SLC29A4: variants seen among roughly 807,000 people sequenced by gnomAD.
The protein encoded by SLC29A4 is solute carrier family 29 member 4, also known as equilibrative nucleoside transporter 4.
SLC29A4 carries 36 observed loss-of-function variants against 43.9 expected under a neutral mutation model. The observed-to-expected ratio is 0.82, with a 90% CI of 0.63 to 1.08. The LOEUF (loss-of-function observed/expected upper bound fraction) is 1.08, where lower values mean the gene tolerates loss of function less well. Ranked by LOEUF, SLC29A4 falls within the 50% of genes least tolerant of loss-of-function variation. The probability of loss-of-function intolerance (pLI) is 0.00; values close to 1 mark genes in which losing one functional copy is unlikely to be tolerated. For synonymous variants in SLC29A4, 491 were observed against 338.0 expected (o/e 1.45, Z -4.97); for missense variants, 869 against 755.3 (o/e 1.15, Z -1.77).
At position 5,287,993 on chromosome 7, in the gene SLC29A4, G is replaced by A; in HGVS notation, c.169+8G>A. 1 of 1,604,434 alleles carries A rather than the reference G, an allele frequency of 6.2e-7. No individual in the cohort carries two copies. The highest frequency in any genetic ancestry group is 1.3e-5 in the African/African-American group (1 of 74,666). ...CAGCTTTCACGGATACTAGTAAGTA[G>A]GCGTGCGGGCAAGGTGCGGGTCTTG... On this transcript the variant is annotated splice_region_variant and intron_variant, in intron 2 of 10. Transcript: ENST00000396872.
In SLC29A4 at chr7:5,296,502, G is replaced by C. The variant is rs572811596; in HGVS notation, c.620-434G>C. ...AGAGACGGGACTCAGGACTTAGAGGGAGCGGCAGGGGGTGGGGCTGGGAAG... is the reference window on the plus strand; with the variant it reads ...AGAGACGGGACTCAGGACTTAGAGGCAGCGGCAGGGGGTGGGGCTGGGAAG... On this transcript the variant is annotated intron_variant, in intron 6 of 10. Coordinates refer to ENST00000396872, the MANE Select transcript of SLC29A4 (RefSeq NM_153247.4). Among the ~76,000 whole-genome samples the C allele has an allele frequency of 1.1e-3, 135 of 126,512 alleles. 1 individual carries two copies. Among genetic ancestry groups the C allele is most frequent in the African/African-American group, 3.9e-3 (127 of 32,366 alleles). 83.0% of individuals were successfully genotyped at this position (126,512 alleles called of 152,430 possible). A position where few individuals can be genotyped will look rare whatever the true frequency, so the allele number is the denominator to read the frequency against.
intron 1 of SLC29A4, among the ~76,000 whole-genome samples, chr7:5,286,156 T>C (rs1784931964): frequency 6.6e-6 from 1 of 152,180 alleles, no homozygotes; most frequent in African/African-American, 2.4e-5. Context: ...TGTGCTGTCC[T>C]CTCTGTTAGC....
chr7:5,294,769 C>A, intron 5 of SLC29A4, 91 bp from the exon 6 acceptor site: 3 of 1,349,532 alleles, frequency 2.2e-6, no homozygotes, highest in Non-Finnish European at 3.2e-6. Context: ...TTTACGCACC[C>A]TCGTCCACCA....
chr7:5,303,468 C>T lies in SLC29A4; in HGVS notation c.*529C>T, dbSNP rs1786314454. On this transcript the variant is annotated 3_prime_UTR_variant, in exon 11 of 11. Coordinates refer to ENST00000396872, the MANE Select transcript of SLC29A4 (RefSeq NM_153247.4). ...CAGGGCTTCCCCTTCTGTCCTCATTCTTAGAGACTGCTTCTCCCAAACATA... is the reference window on the plus strand; with the variant it reads ...CAGGGCTTCCCCTTCTGTCCTCATTTTTAGAGACTGCTTCTCCCAAACATA... 1 of 161,526 alleles carries T rather than the reference C, an allele frequency of 6.2e-6. No individual in the cohort carries two copies. The highest frequency in any genetic ancestry group is 2.4e-5 in the African/African-American group (1 of 41,554). The allele number at this position is 161,526 out of a possible 1,614,324, so 10.0% of individuals were successfully genotyped here.
At chr7:5,298,057 G>A (rs1429921169) in intron 7 of SLC29A4, among the ~76,000 whole-genome samples, 1 of 152,204 alleles carries the variant, frequency 6.6e-6, no homozygotes, top group Admixed American at 6.5e-5. Context: ...GGAGTGCCAG[G>A]CCATGCAGAG....
At chr7:5,289,664 C>T (rs1314262317) in intron 2 of SLC29A4, among the ~76,000 whole-genome samples, 2 of 152,216 alleles carry the variant, frequency 1.3e-5, no homozygotes, top group Non-Finnish European at 2.9e-5. Flanking sequence ...TGTACTTCAG[C>T]TTGTCAAGGT....
At chr7:5,287,506 TC>T (rs1167340875) in intron 1 of SLC29A4, among the ~76,000 whole-genome samples, 1 of 151,604 alleles carries the variant, frequency 6.6e-6, no homozygotes, top group Non-Finnish European at 1.5e-5. Flanking sequence ...GAAAGGACGG[TC>T]CCCCCAGGGG....
In SLC29A4 at chr7:5,299,007, T is replaced by G. The variant is rs768761880; in HGVS notation, c.902T>G (p.Leu301Arg). 8 of 1,610,532 alleles carry G rather than the reference T, an allele frequency of 5.0e-6. No homozygotes were observed. The highest frequency in any genetic ancestry group is 5.9e-6 in the Non-Finnish European group (7 of 1,179,734). Reference protein sequence around the residue: ...DVHFEHPAPALAPNESPKDSP... With the variant: ...DVHFEHPAPARAPNESPKDSP... Reference sequence around the variant, plus strand: ...CTCCAGGAGCACCCAGCCCCGGCCCTGGCCCCCAACGAGTCCCCAAAGGAC... The same window carrying G: ...CTCCAGGAGCACCCAGCCCCGGCCCGGGCCCCCAACGAGTCCCCAAAGGAC... The change falls in exon 8 of 11, where the codon CTG becomes CGG. Residue 301 changes from leucine to arginine, a missense_variant. By Grantham distance (102) the Leu-to-Arg change is moderately radical (BLOSUM62 -2). Coordinates refer to ENST00000396872, the MANE Select transcript of SLC29A4 (RefSeq NM_153247.4).
At chr7:5,288,243 T>G (rs1438946786) in intron 2 of SLC29A4, among the ~76,000 whole-genome samples, 2 of 151,702 alleles carry the variant, frequency 1.3e-5, no homozygotes, top group African/African-American at 2.4e-5. Flanking sequence ...CATGGGCTTT[T>G]GTGCTCACTG....
In SLC29A4 at chr7:5,304,921, A is replaced by G. The variant is rs1786404556; in HGVS notation, c.*1982A>G. 1 of 152,156 alleles carries G rather than the reference A, an allele frequency of 6.6e-6. No individual in the cohort carries two copies. The highest frequency in any genetic ancestry group is 2.1e-4 in the South Asian group (1 of 4,826). The allele number at this position is 152,156 out of a possible 1,614,324, so 9.4% of individuals were successfully genotyped here. A position where few individuals can be genotyped will look rare whatever the true frequency, so the allele number is the denominator to read the frequency against. The stretch of plus-strand genomic sequence containing the variant: ...AGCCTCCACCTCCTGGGCTCCAGTG[A>G]TCCTCCCACCTCAGCCTCCCAAATA... On this transcript the variant is annotated 3_prime_UTR_variant, in exon 11 of 11. Transcript: ENST00000396872.
At chr7:5,300,869 G>C (rs1786114251) in intron 10 of SLC29A4, among the ~76,000 whole-genome samples, 1 of 152,174 alleles carries the variant, frequency 6.6e-6, no homozygotes, top group Non-Finnish European at 1.5e-5. Context: ...ACTACTTGGT[G>C]AGCCCCTCCT....
chr7:5,292,564 A>G (rs1220560840), intron 5 of SLC29A4, among the ~76,000 whole-genome samples: 2 of 152,012 alleles, frequency 1.3e-5, no homozygotes, highest in African/African-American at 2.4e-5. Context: ...CTCCCTAAGT[A>G]TATATAAATA....
rs11427507 is a variant in SLC29A4 at position 5,301,262 on chromosome 7, G to GA, written c.1450+616dup. On this transcript the variant is annotated intron_variant, in intron 10 of 10. Transcript: ENST00000396872. ...GTGACAGAGCAAGATCCTGTCTGGG[G>GA]AAAAAAAAAAAAAAAATCCCAGATC... 2.3e-3 allele frequency among the ~76,000 whole-genome samples: 262 copies of GA among 115,756 alleles called. 1 individual carries two copies. Among genetic ancestry groups the GA allele is most frequent in the East Asian group, 6.6e-3 (31 of 4,688 alleles). 75.9% of individuals were successfully genotyped at this position (115,756 alleles called of 152,430 possible).
intron 4 of SLC29A4, 84 bp from the exon 5 acceptor site, chr7:5,291,609 A>G (rs1785314336): frequency 2.7e-6 from 4 of 1,496,974 alleles, no homozygotes; most frequent in Non-Finnish European, 3.6e-6. Context: ...AAAGCCTCAG[A>G]GCGACTCTGC....
At position 5,300,678 on chromosome 7, in the gene SLC29A4, C is replaced by G. The variant is rs371353804; in HGVS notation, c.1450+16C>G. 6.2e-7 allele frequency: 1 copy of G among 1,602,864 alleles called. No individual in the cohort carries two copies. ...GAGCTGGCAGGTGAGGCCCGCGGGA[C>G]GTGGGGGTGGGGGCGTCCTCCCAGC... On this transcript the variant is annotated intron_variant, in intron 10 of 10. Transcript: ENST00000396872.
In SLC29A4 at chr7:5,303,351, G is replaced by C. The variant is rs1786306013; in HGVS notation, c.*412G>C. 4.3e-6 allele frequency: 1 copy of C among 232,130 alleles called. No homozygotes were observed. The highest frequency in any genetic ancestry group is 2.3e-5 in the African/African-American group (1 of 42,848). The allele number at this position is 232,130 out of a possible 1,614,324, so 14.4% of individuals were successfully genotyped here. ...CCTCATCACCCACCGGCACTGATCG[G>C]GGCACCGCCTGGCCCAGCCTCCACC... is the stretch of plus-strand genomic sequence containing the variant. On this transcript the variant is annotated 3_prime_UTR_variant, in exon 11 of 11. Coordinates refer to ENST00000396872, the MANE Select transcript of SLC29A4 (RefSeq NM_153247.4).
At chr7:5,299,163 C>T in intron 8 of SLC29A4, 37 bp downstream of exon 8, 1 of 1,600,166 alleles carries the variant, frequency 6.2e-7, no homozygotes, top group Non-Finnish European at 8.5e-7. Flanking sequence ...CTGGCTCTGG[C>T]ACCCAGGCAG....
chr7:5,298,861 A>G (rs961558666), intron 7 of SLC29A4, 127 bp from the exon 8 acceptor site: 13 of 1,013,124 alleles, frequency 1.3e-5, no homozygotes, highest in Admixed American at 2.7e-5. Flanking sequence ...GTGTCTGCAC[A>G]CAGTAGGTAC....
Position 5,302,854 on chromosome 7 carries a change from A to T in SLC29A4, c.1508A>T (p.Tyr503Phe). ...CTGACGCTGGGGTCCGCCGTGGCCT[A>T]CTGCACCTACAGCCTCACCCGCGAC... is the stretch of plus-strand genomic sequence containing the variant. ...SGLTLGSAVA[Y>F]CTYSLTRDAH... Residue 503 changes from tyrosine (Y) to phenylalanine (F), a missense_variant, in exon 11 of 11, where the codon TAC becomes TTC. By Grantham distance (22) the Tyr-to-Phe change is conservative. Transcript: ENST00000396872. 1 of 1,597,258 alleles carries T rather than the reference A, an allele frequency of 6.3e-7. No homozygotes were observed. The highest frequency in any genetic ancestry group is 1.8e-4 in the Middle Eastern group (1 of 5,456).
Sources: gnomAD v4.1 joint callset for allele counts (sites outside exome capture counted in the v4.1 genomes callset) on GRCh38, gnomAD v4.1.1 for gene constraint, MANE v1.5 for transcripts, NCBI Gene and HGNC (gene_info 2026-07-23, HGNC 2026-07-21) for gene names.